The following GLCCI1 variants were observed in gnomAD, a reference collection of about 807,000 sequenced individuals.
GLCCI1 encodes glucocorticoid-induced transcript 1 protein.
GLCCI1 carries 24 observed loss-of-function variants against 52.2 expected under a neutral mutation model. The observed-to-expected ratio is 0.46, with a 90% CI of 0.33 to 0.65. GLCCI1 has a LOEUF of 0.65. Among genes scored for constraint, GLCCI1 ranks in the 30% least tolerant of loss-of-function variants. The pLI is 0.02. For missense variants in GLCCI1, 704 were observed against 701.5 expected, an observed-to-expected ratio of 1.00 and a Z score of -0.04; for synonymous variants, 310 against 276.5, an observed-to-expected ratio of 1.12 and a Z score of -1.20.
chr7:8,076,112 T>A (rs1335928053), intron 6 of GLCCI1, among the ~76,000 whole-genome samples: 1 of 152,214 alleles, frequency 6.6e-6, no homozygotes, highest in African/African-American at 2.4e-5. Flanking sequence ...TCTCTAGGGC[T>A]CTATTTCTTG....
At chr7:7,975,896 G>A (rs550300557) in intron 1 of GLCCI1, among the ~76,000 whole-genome samples, 1 of 152,126 alleles carries the variant, frequency 6.6e-6, no homozygotes. Flanking sequence ...TACTGTCCTC[G>A]AATCACTTTG....
intron 1 of GLCCI1, among the ~76,000 whole-genome samples, chr7:7,997,461 A>G (rs1362881324): frequency 6.6e-6 from 1 of 152,172 alleles, no homozygotes; most frequent in Non-Finnish European, 1.5e-5. Context: ...ATTAAGAACT[A>G]TATCATTTCC....
At chr7:7,976,058 G>C (rs953219957) in intron 1 of GLCCI1, among the ~76,000 whole-genome samples, 1 of 152,194 alleles carries the variant, frequency 6.6e-6, no homozygotes, top group Non-Finnish European at 1.5e-5. Flanking sequence ...GGTTGATTCA[G>C]CCCTCCCAAA....
At chr7:7,995,268 G>A (rs1361474881) in intron 1 of GLCCI1, among the ~76,000 whole-genome samples, 1 of 152,136 alleles carries the variant, frequency 6.6e-6, no homozygotes, top group Non-Finnish European at 1.5e-5. Context: ...TAGCACTTTA[G>A]GAGGCTGAGG....
chr7:8,079,720 A>C (rs1383636306), intron 6 of GLCCI1, among the ~76,000 whole-genome samples: 2 of 151,512 alleles, frequency 1.3e-5, no homozygotes, highest in South Asian at 2.1e-4. Context: ...ATTCATACTT[A>C]TGGAATGAGA....
At position 8,055,458 on chromosome 7, in the gene GLCCI1, T is replaced by C; in HGVS notation, c.722T>C (p.Leu241Pro). ...KEQIAKLRQQLQRSKQSSRHS... is the reference protein window; with the variant it reads ...KEQIAKLRQQPQRSKQSSRHS... ...CAGATCGCCAAACTGAGGCAGCAAC[T>C]ACAACGCAGTAAACAGAGTAGTCGT... The change falls in exon 4 of 8, where the codon CTA becomes CCA. Residue 241 changes from leucine to proline, a missense_variant. Transcript: ENST00000223145. 6.2e-7 allele frequency: 1 copy of C among 1,613,630 alleles called. No homozygotes were observed. The highest frequency in any genetic ancestry group is 8.5e-7 in the Non-Finnish European group (1 of 1,179,630).
chr7:8,027,102 T>C (rs749065014), intron 3 of GLCCI1, among the ~76,000 whole-genome samples: 61 of 152,154 alleles, frequency 4.0e-4, no homozygotes, highest in Non-Finnish European at 6.8e-4. Flanking sequence ...CTACGATAAT[T>C]AGCACCATCC....
chr7:8,055,853 C>T (rs111677347), intron 4 of GLCCI1: 6,871 of 184,326 alleles, frequency 0.037, 186 homozygotes, highest in Non-Finnish European at 0.056. Context: ...ATTAGCCGGG[C>T]GTCGTGCCGG....
intron 6 of GLCCI1, among the ~76,000 whole-genome samples, chr7:8,082,675 A>G (rs1783019690): frequency 6.6e-6 from 1 of 152,172 alleles, no homozygotes; most frequent in Non-Finnish European, 1.5e-5. Flanking sequence ...CTTAACATTA[A>G]TACCCCCAAA....
intron 3 of GLCCI1, among the ~76,000 whole-genome samples, chr7:8,049,315 T>C (rs1462698499): frequency 1.3e-5 from 2 of 152,166 alleles, no homozygotes; most frequent in African/African-American, 4.8e-5. Flanking sequence ...TCTTGGTATT[T>C]TCAGTACATA....
chr7:8,008,538 A>G (rs2115430724), intron 2 of GLCCI1, among the ~76,000 whole-genome samples: 1 of 152,162 alleles, frequency 6.6e-6, no homozygotes, highest in East Asian at 1.9e-4. Context: ...CAAGTGATCC[A>G]CTAGACTTGA....
At chr7:8,041,898 G>A (rs1782008432) in intron 3 of GLCCI1, among the ~76,000 whole-genome samples, 1 of 152,130 alleles carries the variant, frequency 6.6e-6, no homozygotes, top group Non-Finnish European at 1.5e-5. Flanking sequence ...AGCTGCAGCT[G>A]ATGATTTAAG....
At chr7:8,067,089 G>A (rs1782644998) in intron 5 of GLCCI1, among the ~76,000 whole-genome samples, 1 of 152,158 alleles carries the variant, frequency 6.6e-6, no homozygotes, top group South Asian at 2.1e-4. Context: ...TATATATTTA[G>A]GATAGTTAGG....
intron 1 of GLCCI1, among the ~76,000 whole-genome samples, chr7:7,997,803 T>G (rs1217905406): frequency 1.3e-5 from 2 of 152,110 alleles, no homozygotes; most frequent in East Asian, 3.9e-4. Context: ...TGGTTCATAC[T>G]TGTAATCCAG....
intron 2 of GLCCI1, among the ~76,000 whole-genome samples, chr7:8,020,330 C>G (rs967432461): frequency 6.6e-6 from 1 of 152,058 alleles, no homozygotes; most frequent in South Asian, 2.1e-4. Flanking sequence ...CATCATTGAC[C>G]AAAACATTGT....
chr7:8,014,284 A>G (rs759875925), intron 2 of GLCCI1, among the ~76,000 whole-genome samples: 2 of 152,174 alleles, frequency 1.3e-5, no homozygotes, highest in Non-Finnish European at 2.9e-5. Context: ...GATGTGAGCC[A>G]CTGTACCCGG....
chr7:8,008,552 C>T (rs991503982), intron 2 of GLCCI1, among the ~76,000 whole-genome samples: 2 of 152,104 alleles, frequency 1.3e-5, no homozygotes, highest in African/African-American at 4.8e-5. Flanking sequence ...GACTTGACCT[C>T]CCAGAGTGTT....
At chr7:8,046,466 G>C (rs540783108) in intron 3 of GLCCI1, among the ~76,000 whole-genome samples, 13 of 152,288 alleles carry the variant, frequency 8.5e-5, no homozygotes, top group African/African-American at 2.9e-4. Flanking sequence ...CCTTAAGTTT[G>C]ATAAGAAACA....
chr7:8,064,444 T>G (rs940605656), intron 5 of GLCCI1, among the ~76,000 whole-genome samples: 1 of 152,194 alleles, frequency 6.6e-6, no homozygotes, highest in African/African-American at 2.4e-5. Flanking sequence ...GGCTCTCTCT[T>G]CTGTTCCATT....
Sources: gnomAD v4.1 joint callset for allele counts (sites outside exome capture counted in the v4.1 genomes callset) on GRCh38, gnomAD v4.1.1 for gene constraint, MANE v1.5 for transcripts, NCBI Gene and HGNC (gene_info 2026-07-23, HGNC 2026-07-21) for gene names.